SLC4A4: variants seen among roughly 807,000 people sequenced by gnomAD.
SLC4A4 encodes electrogenic sodium bicarbonate cotransporter 1.
SLC4A4 carries 27 observed loss-of-function variants against 111.5 expected under a neutral mutation model. That is an observed-to-expected ratio of 0.24 (90% CI 0.18 to 0.33). The LOEUF (loss-of-function observed/expected upper bound fraction) is 0.33, where lower values mean the gene tolerates loss of function less well. Ranked by LOEUF, SLC4A4 falls within the 10% of genes least tolerant of loss-of-function variation. SLC4A4 has a pLI of 1.00. For synonymous variants in SLC4A4, 443 were observed against 463.4 expected (o/e 0.96, Z 0.57); for missense variants, 909 against 1,315.5 (o/e 0.69, Z 4.78).
chr4:71,506,850 G>A (rs565425052), intron 16 of SLC4A4, among the ~76,000 whole-genome samples: 21 of 152,186 alleles, frequency 1.4e-4, no homozygotes, highest in Non-Finnish European at 2.8e-4. Flanking sequence ...AGAGAGAAAG[G>A]CAAGATCACC....
chr4:71,529,129 C>T (rs564649387), intron 16 of SLC4A4, among the ~76,000 whole-genome samples: 1 of 152,086 alleles, frequency 6.6e-6, no homozygotes, highest in East Asian at 1.9e-4. Flanking sequence ...ACAATAGCAA[C>T]ACCATTAAAA....
chr4:71,147,174 C>G (rs920063243), intron 2 of SLC4A4, among the ~76,000 whole-genome samples: 6 of 152,120 alleles, frequency 3.9e-5, no homozygotes, highest in African/African-American at 1.4e-4. Flanking sequence ...AAACTTTTCT[C>G]TCTTTTTTGA....
At chr4:71,142,818 C>A (rs1320710519) in intron 2 of SLC4A4, among the ~76,000 whole-genome samples, 3 of 138,774 alleles carry the variant, frequency 2.2e-5, no homozygotes, top group African/African-American at 8.0e-5. Flanking sequence ...GTTTGGATCC[C>A]ATGCCCATGA....
In SLC4A4 at chr4:71,111,524, GTTTTTTTTTTTTTTTT is replaced by G. The variant is rs150777420; in HGVS notation, c.-2+18745_-2+18760del. Among the ~76,000 whole-genome samples the G allele has an allele frequency of 1.4e-3, 87 of 60,786 alleles. 1 individual carries two copies. Among genetic ancestry groups the G allele is most frequent in the Admixed American group, 5.7e-3 (20 of 3,526 alleles). The allele number at this position is 60,786 out of a possible 152,430, so 39.9% of individuals were successfully genotyped here. A position where few individuals can be genotyped will look rare whatever the true frequency, so the allele number is the denominator to read the frequency against. On this transcript the variant is annotated intron_variant, in intron 2 of 26. Coordinates refer to the SLC4A4 transcript ENST00000649996. The stretch of plus-strand genomic sequence containing the variant: ...TACAGGTGCCTGCCACCACGCTCAG[GTTTTTTTTTTTTTTTT>G]TTTTTTTTTTTTGTATTTTTAGTAG...
At chr4:71,275,444 C>G (rs376509676) in intron 3 of SLC4A4, among the ~76,000 whole-genome samples, 1 of 152,190 alleles carries the variant, frequency 6.6e-6, no homozygotes, top group Non-Finnish European at 1.5e-5. Flanking sequence ...CTTGTTCAAA[C>G]TGGTTATCAT....
chr4:71,284,313 G>A (rs1723743282), intron 3 of SLC4A4, among the ~76,000 whole-genome samples: 1 of 152,168 alleles, frequency 6.6e-6, no homozygotes, highest in South Asian at 2.1e-4. Context: ...CAGAATCCTT[G>A]CTGTGATTTT....
intron 2 of SLC4A4, among the ~76,000 whole-genome samples, chr4:71,134,594 T>G (rs1743794906): frequency 1.3e-5 from 2 of 152,260 alleles, no homozygotes; most frequent in African/African-American, 4.8e-5. Context: ...CTTGCTTTTC[T>G]AGCCTTTCAA....
chr4:71,111,748 T>A (rs983681841), intron 2 of SLC4A4, among the ~76,000 whole-genome samples: 49 of 150,290 alleles, frequency 3.3e-4, no homozygotes, highest in African/African-American at 1.2e-3. Flanking sequence ...CAGGCTGGAG[T>A]GCAGTGGTGC....
At chr4:71,525,144 G>T (rs1204476184) in intron 16 of SLC4A4, among the ~76,000 whole-genome samples, 1 of 152,050 alleles carries the variant, frequency 6.6e-6, no homozygotes, top group Non-Finnish European at 1.5e-5. Context: ...GTTTATAATA[G>T]ATTTATTAAG....
intron 2 of SLC4A4, among the ~76,000 whole-genome samples, chr4:71,171,588 A>G (rs1015647939): frequency 6.6e-6 from 1 of 152,178 alleles, no homozygotes; most frequent in Non-Finnish European, 1.5e-5. Context: ...GCAGCATTGA[A>G]TTCATTTGCT....
At chr4:71,067,696 C>A (rs1293253203) in intron 1 of SLC4A4, among the ~76,000 whole-genome samples, 1 of 152,022 alleles carries the variant, frequency 6.6e-6, no homozygotes, top group Non-Finnish European at 1.5e-5. Context: ...AAAGGAAATA[C>A]CAGGATAGTT....
chr4:71,567,478 T>C (rs1043169796), intron 25 of SLC4A4, among the ~76,000 whole-genome samples: 1 of 151,820 alleles, frequency 6.6e-6, no homozygotes, highest in African/African-American at 2.4e-5. Context: ...GTTTTTATTA[T>C]GTCAGTCTTT....
At chr4:71,462,643 A>G (rs529662141) in intron 12 of SLC4A4, among the ~76,000 whole-genome samples, 1 of 152,144 alleles carries the variant, frequency 6.6e-6, no homozygotes, top group Admixed American at 6.5e-5. Flanking sequence ...TCCTCACCTC[A>G]GGTGATCTGT....
intron 1 of SLC4A4, among the ~76,000 whole-genome samples, chr4:71,212,306 C>T (rs537965079): frequency 6.1e-4 from 93 of 152,214 alleles, no homozygotes; most frequent in Non-Finnish European, 1.0e-3. Flanking sequence ...TGGTTAGATT[C>T]GGGGTTAGTT....
chr4:71,078,309 G>C (rs1338047766), intron 1 of SLC4A4, among the ~76,000 whole-genome samples: 1 of 151,834 alleles, frequency 6.6e-6, no homozygotes, highest in Non-Finnish European at 1.5e-5. Context: ...AGAATCCAAA[G>C]TTGAATAACA....
In SLC4A4 at chr4:71,568,077, C is replaced by G; in HGVS notation, c.*326C>G. 1 of 504,388 alleles carries G rather than the reference C, an allele frequency of 2.0e-6. No homozygotes were observed. Among genetic ancestry groups the G allele is most frequent in the Non-Finnish European group, 3.5e-6 (1 of 284,280 alleles). The allele number at this position is 504,388 out of a possible 1,614,324, so 31.2% of individuals were successfully genotyped here. A position where few individuals can be genotyped will look rare whatever the true frequency, so the allele number is the denominator to read the frequency against. ...ACAATAGTGCACCGTTCCTTAAAAA[C>G]AGCATCTGAGGAATCCCCCTTTTGT... On this transcript the variant is annotated 3_prime_UTR_variant, in exon 26 of 26. Coordinates refer to ENST00000264485, the MANE Select transcript of SLC4A4 (RefSeq NM_001098484.3).
At chr4:71,237,249 A>G (rs1719877242) in intron 2 of SLC4A4, among the ~76,000 whole-genome samples, 1 of 152,218 alleles carries the variant, frequency 6.6e-6, no homozygotes, top group African/African-American at 2.4e-5. Context: ...ACCTGGTGCT[A>G]TAATACTTTC....
chr4:71,213,198 C>G (rs1718237786), intron 1 of SLC4A4, among the ~76,000 whole-genome samples: 1 of 152,200 alleles, frequency 6.6e-6, no homozygotes, highest in Non-Finnish European at 1.5e-5. Flanking sequence ...TGCATAAGAC[C>G]TGATGATAAC....
intron 18 of SLC4A4, among the ~76,000 whole-genome samples, chr4:71,544,287 G>A (rs919964318): frequency 7.2e-5 from 11 of 152,038 alleles, no homozygotes; most frequent in Non-Finnish European, 1.3e-4. Context: ...AGGACTGAGC[G>A]AGAGAAAGAA....
Sources: gnomAD v4.1 joint callset for allele counts (sites outside exome capture counted in the v4.1 genomes callset) on GRCh38, gnomAD v4.1.1 for gene constraint, MANE v1.5 for transcripts, NCBI Gene and HGNC (gene_info 2026-07-23, HGNC 2026-07-21) for gene names.